SLC8A1: variants seen among roughly 807,000 people sequenced by gnomAD.
The protein encoded by SLC8A1 is solute carrier family 8 member A1.
In SLC8A1, 18 loss-of-function variants were observed where a neutral mutation model predicts 68.3. The observed-to-expected ratio is 0.26, with a 90% CI of 0.18 to 0.39. SLC8A1 has a LOEUF of 0.39. Among genes scored for constraint, SLC8A1 ranks in the 10% least tolerant of loss-of-function variants. The pLI is 1.00. For missense variants in SLC8A1, 985 were observed against 1,156.7 expected (o/e 0.85, Z 2.15); for synonymous variants, 475 against 415.5 (o/e 1.14, Z -1.74).
intron 2 of SLC8A1, among the ~76,000 whole-genome samples, chr2:40,203,654 CT>C (rs1327831586): frequency 6.6e-6 from 1 of 151,980 alleles, no homozygotes; most frequent in Admixed American, 6.6e-5. Flanking sequence ...TGTTAAAGTG[CT>C]GCTAAAGGTT....
At chr2:40,453,794 G>A (rs987656762), upstream of SLC8A1, among the ~76,000 whole-genome samples, 1 of 152,204 alleles carries the variant, frequency 6.6e-6, no homozygotes, top group East Asian at 1.9e-4. Flanking sequence ...CAGGCCTGGG[G>A]TAGGCAAGTG....
chr2:40,166,499 T>C (rs1168950736), intron 4 of SLC8A1, among the ~76,000 whole-genome samples: 1 of 152,202 alleles, frequency 6.6e-6, no homozygotes, highest in African/African-American at 2.4e-5. Flanking sequence ...GATTTTGGAC[T>C]GGCCAGAAGC....
intron 6 of SLC8A1, among the ~76,000 whole-genome samples, chr2:40,150,995 T>G (rs1240813906): frequency 5.3e-5 from 8 of 152,196 alleles, no homozygotes; most frequent in Non-Finnish European, 1.2e-4. Context: ...ATCTGGAACT[T>G]ACTCTGTCTT....
intron 2 of SLC8A1, among the ~76,000 whole-genome samples, chr2:40,384,826 T>C (rs1683047423): frequency 1.3e-5 from 2 of 152,074 alleles, no homozygotes; most frequent in Admixed American, 6.6e-5. Flanking sequence ...GCATTTTATC[T>C]TCTATTGCAA....
At chr2:40,212,306 A>C in intron 2 of SLC8A1, among the ~76,000 whole-genome samples, 1 of 17,086 alleles carries the variant, frequency 5.9e-5, no homozygotes, top group East Asian at 4.9e-4. Flanking sequence ...TTTTTTCCTG[A>C]GACAAGTCTC....
At chr2:40,327,229 CAT>C (rs2075926367) in intron 2 of SLC8A1, among the ~76,000 whole-genome samples, 1 of 152,140 alleles carries the variant, frequency 6.6e-6, no homozygotes, top group Non-Finnish European at 1.5e-5. Context: ...TGATAGTCTT[CAT>C]AGTTTTTAAA....
chr2:40,348,826 G>A (rs1049239426), intron 2 of SLC8A1, among the ~76,000 whole-genome samples: 3 of 152,194 alleles, frequency 2.0e-5, no homozygotes, highest in Non-Finnish European at 2.9e-5. Flanking sequence ...TCTCCCCACA[G>A]TCGTAACACA....
intron 2 of SLC8A1, among the ~76,000 whole-genome samples, chr2:40,339,492 G>A (rs1667034767): frequency 6.6e-6 from 1 of 152,152 alleles, no homozygotes; most frequent in South Asian, 2.1e-4. Flanking sequence ...TTTAGAACTT[G>A]TTCTAGAAAC....
intron 2 of SLC8A1, among the ~76,000 whole-genome samples, chr2:40,355,113 A>C (rs1490653417): frequency 6.6e-6 from 1 of 152,168 alleles, no homozygotes; most frequent in Non-Finnish European, 1.5e-5. Context: ...AGCCTTTACT[A>C]TGGGGAGGAG....
chr2:40,169,571 G>T (rs2047105067), intron 4 of SLC8A1, among the ~76,000 whole-genome samples: 1 of 152,116 alleles, frequency 6.6e-6, no homozygotes, highest in Non-Finnish European at 1.5e-5. Flanking sequence ...ACTATCATCT[G>T]GGCATATCTG....
intron 2 of SLC8A1, among the ~76,000 whole-genome samples, chr2:40,275,847 T>C (rs1011623178): frequency 3.3e-5 from 5 of 152,124 alleles, no homozygotes; most frequent in Non-Finnish European, 7.4e-5. Context: ...ATGGATGTTG[T>C]TGGTGAAGTG....
intron 2 of SLC8A1, among the ~76,000 whole-genome samples, chr2:40,229,717 G>C (rs932900575): frequency 4.6e-5 from 7 of 152,106 alleles, no homozygotes; most frequent in Non-Finnish European, 1.0e-4. Context: ...TACTTTTCTA[G>C]AGTGCTTCTG....
At chr2:40,319,812 A>G (rs985380325) in intron 2 of SLC8A1, among the ~76,000 whole-genome samples, 3 of 152,098 alleles carry the variant, frequency 2.0e-5, no homozygotes, top group Admixed American at 1.3e-4. Flanking sequence ...TTATTCTTCC[A>G]CTTTCTTATC....
At chr2:40,163,072 T>C (rs1444519292) in intron 5 of SLC8A1, among the ~76,000 whole-genome samples, 1 of 152,174 alleles carries the variant, frequency 6.6e-6, no homozygotes, top group Admixed American at 6.6e-5. Context: ...ACTGATGAAC[T>C]TTGAAGAGAT....
intron 2 of SLC8A1, among the ~76,000 whole-genome samples, chr2:40,180,299 T>A (rs76850454): frequency 0.01 from 1,548 of 152,286 alleles, 7 homozygotes; most frequent in African/African-American, 0.015. Context: ...TATCCAAAAA[T>A]TATAAAATAT....
At chr2:40,425,729 T>C (rs1045400797) in intron 2 of SLC8A1, among the ~76,000 whole-genome samples, 4 of 151,832 alleles carry the variant, frequency 2.6e-5, no homozygotes, top group South Asian at 2.1e-4. Context: ...TCTGACTCCA[T>C]TGCACGATGA....
chr2:40,326,483 A>T (rs1020487474), intron 2 of SLC8A1, among the ~76,000 whole-genome samples: 7 of 151,780 alleles, frequency 4.6e-5, no homozygotes, highest in African/African-American at 1.7e-4. Flanking sequence ...AACATCAGAG[A>T]GTTATCTTAC....
At chr2:40,374,314 C>G (rs1161803489) in intron 2 of SLC8A1, among the ~76,000 whole-genome samples, 1 of 151,696 alleles carries the variant, frequency 6.6e-6, no homozygotes, top group Non-Finnish European at 1.5e-5. Context: ...GAGTTCCAGA[C>G]CAGCCCGGGA....
exon 8 of SLC8A1, chr2:40,098,186 T>C (rs779379009): frequency 6.6e-6 from 1 of 152,068 alleles, no homozygotes; most frequent in Admixed American, 6.6e-5. Context: ...GTCAGTAAGA[T>C]TGATATTTCC....
Sources: allele counts gnomAD v4.1 joint callset (sites outside exome capture counted in the v4.1 genomes callset), GRCh38; gene constraint gnomAD v4.1.1; transcripts MANE v1.5; gene names NCBI Gene and HGNC (gene_info 2026-07-23, HGNC 2026-07-21).